Variants in RASA1 observed in about 807,000 individuals in gnomAD.
RASA1 encodes the protein ras GTPase-activating protein 1.
Under a neutral mutation model 132.2 loss-of-function variants are expected in RASA1, and 25 were observed. The ratio of observed to expected loss-of-function variants is 0.19; its 90% CI spans 0.14 to 0.26. RASA1 has a LOEUF of 0.26. Among genes scored for constraint, RASA1 ranks in the 10% least tolerant of loss-of-function variants. The pLI is 1.00. For missense variants in RASA1, 964 were observed against 1,299.2 expected (o/e 0.74, Z 3.97); for synonymous variants, 477 against 449.9 (o/e 1.06, Z -0.76).
chr5:87,361,213 C>G (rs1760067374), intron 9 of RASA1, among the ~76,000 whole-genome samples: 1 of 152,140 alleles, frequency 6.6e-6, no homozygotes, highest in Admixed American at 6.5e-5. Flanking sequence ...TGGCTGTGTT[C>G]CAGTAAAACT....
intron 1 of RASA1, chr5:87,294,518 C>A (rs1755037845): frequency 6.6e-6 from 1 of 152,230 alleles, no homozygotes; most frequent in Non-Finnish European, 1.5e-5. Context: ...CATGTGCATT[C>A]AAACTATAAG....
intron 16 of RASA1, 94 bp downstream of exon 16, chr5:87,376,659 T>G: frequency 7.0e-7 from 1 of 1,432,354 alleles, no homozygotes; most frequent in Non-Finnish European, 9.7e-7. Flanking sequence ...TAGTAATTCA[T>G]AGCTTAGTAG....
At chr5:87,309,612 CCTTT>C (rs1755775504) in intron 1 of RASA1, among the ~76,000 whole-genome samples, 1 of 151,982 alleles carries the variant, frequency 6.6e-6, no homozygotes, top group Admixed American at 6.6e-5. Flanking sequence ...CAGTGATGAT[CCTTT>C]CTTGTGTTAT....
intron 1 of RASA1, among the ~76,000 whole-genome samples, chr5:87,323,249 A>C (rs1487699878): frequency 6.6e-6 from 1 of 152,208 alleles, no homozygotes; most frequent in Non-Finnish European, 1.5e-5. Context: ...AAATAGGAGA[A>C]ACACTTTGAG....
intron 11 of RASA1, 95 bp from the exon 12 acceptor site, chr5:87,369,716 TTA>T: frequency 1.2e-6 from 1 of 800,746 alleles, no homozygotes; most frequent in South Asian, 1.6e-5. Flanking sequence ...AATTATAATT[TTA>T]TGTTAATTAT....
At chr5:87,307,558 TTAAA>T (rs1755677525) in intron 1 of RASA1, among the ~76,000 whole-genome samples, 1 of 152,232 alleles carries the variant, frequency 6.6e-6, no homozygotes, top group African/African-American at 2.4e-5. Context: ...TGATTACTTT[TTAAA>T]TATTCAAATT....
rs3804235 is a variant in RASA1 at position 87,337,111 on chromosome 5, G to T, written c.900-863G>T. Among the ~76,000 whole-genome samples the T allele has an allele frequency of 2.6e-3, 403 of 152,130 alleles. 5 individuals are homozygous for T. Among genetic ancestry groups the T allele is most frequent in the East Asian group, 8.1e-3 (42 of 5,188 alleles). ...AGACAAATACAGTTATAGATACAGG[G>T]TTAATGGTACCATCCAACAAATCTG... On this transcript the variant is annotated intron_variant, in intron 4 of 24. Transcript: ENST00000274376.
At chr5:87,270,891 T>G (rs947029214) in intron 1 of RASA1, among the ~76,000 whole-genome samples, 5 of 152,062 alleles carry the variant, frequency 3.3e-5, no homozygotes, top group African/African-American at 1.2e-4. Flanking sequence ...CAGAGTTTGG[T>G]TCATATTTTA....
At chr5:87,290,447 A>G (rs1580206113) in intron 1 of RASA1, among the ~76,000 whole-genome samples, 1 of 152,208 alleles carries the variant, frequency 6.6e-6, no homozygotes, top group Non-Finnish European at 1.5e-5. Context: ...GACATCCAGC[A>G]CACTGGCACA....
intron 1 of RASA1, among the ~76,000 whole-genome samples, chr5:87,309,860 G>A (rs1202077369): frequency 6.6e-6 from 1 of 152,034 alleles, no homozygotes; most frequent in Non-Finnish European, 1.5e-5. Context: ...AACTTTCCAA[G>A]CATCTTACTG....
At chr5:87,335,257 T>C (rs970621496) in intron 4 of RASA1, among the ~76,000 whole-genome samples, 1 of 152,168 alleles carries the variant, frequency 6.6e-6, no homozygotes, top group Non-Finnish European at 1.5e-5. Flanking sequence ...AGAGTGAGTC[T>C]ATTATTTCAA....
chr5:87,268,328 T>C lies in RASA1; in HGVS notation c.-124T>C. ...GGCGGCGGGCTCTCTCCTTTTGTTG[T>C]TGTTTCCTCAGCCTGGGGAGCTGAA... On this transcript the variant is annotated 5_prime_UTR_variant, in exon 1 of 25. Coordinates refer to ENST00000274376, the MANE Select transcript of RASA1 (RefSeq NM_002890.3). The C allele has an allele frequency of 8.9e-7, 1 of 1,119,086 alleles. No individual in the cohort carries two copies. The highest frequency in any genetic ancestry group is 1.8e-5 in the South Asian group (1 of 56,502). The allele number at this position is 1,119,086 out of a possible 1,614,324, so 69.3% of individuals were successfully genotyped here.
At chr5:87,335,687 A>C (rs1447492144) in intron 4 of RASA1, among the ~76,000 whole-genome samples, 1 of 152,106 alleles carries the variant, frequency 6.6e-6, no homozygotes. Flanking sequence ...TGGCCTCCCA[A>C]AGTGCTGGGA....
intron 9 of RASA1, among the ~76,000 whole-genome samples, chr5:87,362,070 G>A (rs1172501414): frequency 2.0e-5 from 3 of 152,142 alleles, no homozygotes; most frequent in Non-Finnish European, 4.4e-5. Flanking sequence ...GGTATTTGAA[G>A]TGTGTATGTT....
At chr5:87,281,902 G>GT in intron 1 of RASA1, among the ~76,000 whole-genome samples, 1 of 152,074 alleles carries the variant, frequency 6.6e-6, no homozygotes, top group Admixed American at 6.5e-5. Context: ...TTCGAGTTGA[G>GT]TTTTTTTGTT....
chr5:87,336,964 C>CT (rs1327797742), intron 4 of RASA1, among the ~76,000 whole-genome samples: 1 of 151,954 alleles, frequency 6.6e-6, no homozygotes, highest in African/African-American at 2.4e-5. Flanking sequence ...TACAATGAAG[C>CT]TTGAGATAGC....
intron 4 of RASA1, among the ~76,000 whole-genome samples, chr5:87,333,933 T>C (rs1325796018): frequency 6.6e-6 from 1 of 152,156 alleles, no homozygotes; most frequent in African/African-American, 2.4e-5. Flanking sequence ...AAAATGCATA[T>C]ATTGAAGAAC....
At chr5:87,369,956 T>C in intron 12 of RASA1, 56 bp downstream of exon 12, 1 of 1,378,066 alleles carries the variant, frequency 7.3e-7, no homozygotes, top group Admixed American at 1.7e-5. Flanking sequence ...CATGTTTTCT[T>C]ATTAACTGGA....
chr5:87,376,179 C>G, intron 15 of RASA1: 1 of 599,254 alleles, frequency 1.7e-6, no homozygotes, highest in Middle Eastern at 4.6e-4. Flanking sequence ...GAACACATCT[C>G]AATCATCTCT....
Sources: gnomAD v4.1 joint callset for allele counts (sites outside exome capture counted in the v4.1 genomes callset) on GRCh38, gnomAD v4.1.1 for gene constraint, MANE v1.5 for transcripts, NCBI Gene and HGNC (gene_info 2026-07-23, HGNC 2026-07-21) for gene names.